PAGR1: variants seen among roughly 807,000 people sequenced by gnomAD.
PAGR1 encodes the protein PAXIP1-associated glutamate-rich protein 1.
A neutral mutation model predicts 22.4 loss-of-function variants in PAGR1; 20 were observed. The observed-to-expected ratio is 0.89, with a 90% CI of 0.63 to 1.30. PAGR1 has a LOEUF of 1.30. Among genes scored for constraint, PAGR1 ranks in the 50% most tolerant of loss-of-function variants. The pLI is 0.00. For missense variants in PAGR1, 338 were observed against 343.6 expected (o/e 0.98, Z 0.13); for synonymous variants, 161 against 148.3 (o/e 1.09, Z -0.62).
In PAGR1 at chr16:29,816,910, G is replaced by T. The variant is rs764118426; in HGVS notation, c.385G>T (p.Ala129Ser). ...TGCCCACGGTACTCTGGAGCTGCAA[G>T]CCGAGATCCTGCCCCGCCGGCCTCC... The part of the protein sequence containing the change: ...LAAHGTLELQ[A>S]EILPRRPPTP... Residue 129 changes from alanine (A) to serine (S), a missense_variant, in exon 1 of 3, where the codon GCC becomes TCC. Physicochemically the swap from Ala to Ser is moderately conservative, Grantham distance 99. Transcript: ENST00000320330. 12 of 1,563,108 alleles carry T rather than the reference G, an allele frequency of 7.7e-6. No homozygotes were observed. Among genetic ancestry groups the T allele is most frequent in the Non-Finnish European group, 1.0e-5 (12 of 1,156,552 alleles).
At chr16:29,817,413 G>A (rs1365894053) in intron 2 of PAGR1, 121 bp downstream of exon 2, 3 of 802,736 alleles carry the variant, frequency 3.7e-6, no homozygotes, top group South Asian at 1.5e-5. Flanking sequence ...AGCTGCAGGA[G>A]AGAGTATTCA....
rs1178904131 is a variant in PAGR1, at chr16:29,816,927, C to T, written c.402C>T (p.Arg134=). The change falls in exon 1 of 3, where the codon CGC becomes CGT. Residue 134 remains arginine (R), a synonymous_variant. Transcript: ENST00000320330. ...TLELQAEILP[R]RPPTPEAQSE... The stretch of plus-strand genomic sequence containing the variant: ...AGCTGCAAGCCGAGATCCTGCCCCG[C>T]CGGCCTCCCACGCCGGAGGCCCAGA... 6.4e-7 allele frequency: 1 copy of T among 1,573,862 alleles called. No homozygotes were observed. Among genetic ancestry groups the T allele is most frequent in the East Asian group, 2.3e-5 (1 of 43,292 alleles).
chr16:29,819,334 G>A, intron 2 of PAGR1: 1 of 578,676 alleles, frequency 1.7e-6, no homozygotes. Context: ...CCCCTGCCCA[G>A]TATGTTCCTC....
rs893220947 is a variant in PAGR1, at chr16:29,819,919, G to T, written c.*165G>T. On this transcript the variant is annotated 3_prime_UTR_variant, in exon 3 of 3. Coordinates refer to ENST00000320330, the MANE Select transcript of PAGR1 (RefSeq NM_024516.4). ...AGAGAGAGTGTGAGTGTGTGTGTGT[G>T]TTTTTTCTATTGAACACCTGTAGAG... The T allele has an allele frequency of 5.8e-5, 43 of 735,648 alleles. No homozygotes were observed. Among genetic ancestry groups the T allele is most frequent in the African/African-American group, 2.0e-4 (11 of 56,256 alleles). 45.6% of individuals were successfully genotyped at this position (735,648 alleles called of 1,614,324 possible).
At position 29,822,273 on chromosome 16, in the gene PAGR1, G is replaced by C. The variant is rs1468986834; in HGVS notation, c.*2519G>C. On this transcript the variant is annotated 3_prime_UTR_variant, in exon 3 of 3. Coordinates refer to ENST00000320330, the MANE Select transcript of PAGR1 (RefSeq NM_024516.4). ...GGAGGGAGGACAAGTGGAAGTCTAG[G>C]CTGGCTGAGCTGTTCTGTCTCGAAA... Among the ~76,000 whole-genome samples the C allele has an allele frequency of 6.6e-6, 1 of 151,592 alleles. No homozygotes were observed. Among genetic ancestry groups the C allele is most frequent in the African/African-American group, 2.4e-5 (1 of 41,228 alleles).
At position 29,816,478 on chromosome 16, in the gene PAGR1, C is replaced by T. The variant is rs1466589201; in HGVS notation, c.-48C>T. On this transcript the variant is annotated 5_prime_UTR_variant, in exon 1 of 3. Transcript: ENST00000320330. ...GAGCCCGATCCCTGGGGGACCCTGGCTTCGGACTCCAGTATCTGTCGTCGC... is the reference window on the plus strand; with the variant it reads ...GAGCCCGATCCCTGGGGGACCCTGGTTTCGGACTCCAGTATCTGTCGTCGC... 4 of 1,421,686 alleles carry T rather than the reference C, an allele frequency of 2.8e-6. No individual in the cohort carries two copies. The African/African-American group carries it at 4.3e-5, about 15-fold the overall frequency. 88.1% of individuals were successfully genotyped at this position (1,421,686 alleles called of 1,614,324 possible).
At chr16:29,819,351 C>T (rs1900314059) in intron 2 of PAGR1, 2 of 610,486 alleles carry the variant, frequency 3.3e-6, no homozygotes, top group East Asian at 5.4e-5. Flanking sequence ...CCTCCCTGTT[C>T]TTCACATTAC....
chr16:29,821,313 C>T lies in PAGR1; in HGVS notation c.*1559C>T, dbSNP rs1173343272. ...ATCAGGTGGCTCTGCCAGAAACTCC[C>T]TTGGCACACAGAGCACTGGGTCGGC... On this transcript the variant is annotated 3_prime_UTR_variant, in exon 3 of 3. Transcript: ENST00000320330. 1 of 152,408 alleles carries T rather than the reference C, an allele frequency of 6.6e-6. No individual in the cohort carries two copies. The highest frequency in any genetic ancestry group is 1.5e-5 in the Non-Finnish European group (1 of 68,204). The allele number at this position is 152,408 out of a possible 1,614,324, so 9.4% of individuals were successfully genotyped here.
rs755589421 is a variant in PAGR1, at chr16:29,817,316, G to C, written c.565+24G>C. The C allele has an allele frequency of 2.5e-6, 4 of 1,612,112 alleles. No homozygotes were observed. In the Admixed American group the frequency reaches 5.0e-5, roughly 20 times the overall value. Reference sequence around the variant, plus strand: ...AGGTACAAACGAAGAGGAAACAGTTGGGGGAGGTGAAGGGCCTCGGCTCAG... The same window carrying C: ...AGGTACAAACGAAGAGGAAACAGTTCGGGGAGGTGAAGGGCCTCGGCTCAG... On this transcript the variant is annotated intron_variant, in intron 2 of 2. Transcript: ENST00000320330.
At chr16:29,817,165 G>A (rs972923820) in intron 1 of PAGR1, 45 bp from the exon 2 acceptor site, 1 of 1,612,832 alleles carries the variant, frequency 6.2e-7, no homozygotes. Flanking sequence ...CGTGTGGGTG[G>A]GAGGGAGGAC....
Position 29,816,379 on chromosome 16 carries a change from C to CG in PAGR1, c.-143dup, listed in dbSNP as rs1180318625. On this transcript the variant is annotated 5_prime_UTR_variant, in exon 1 of 3. Transcript: ENST00000320330. ...TTGGTGGGGACTGAGCGCCCCCTCC[C>CG]GGGGACGGGCGGTCTGGCCGCGGAG... The CG allele has an allele frequency of 1.2e-6, 1 of 820,424 alleles. No individual in the cohort carries two copies. The highest frequency in any genetic ancestry group is 1.7e-6 in the Non-Finnish European group (1 of 590,846). The allele number at this position is 820,424 out of a possible 1,614,324, so 50.8% of individuals were successfully genotyped here.
In PAGR1 at chr16:29,821,921, T is replaced by C. The variant is rs1380800572; in HGVS notation, c.*2167T>C. ...TGAGGCCTGCAAAAAGCAGCAGGAG[T>C]GGGGTTAAGAATTCCAGCCTAGGGC... On this transcript the variant is annotated 3_prime_UTR_variant, in exon 3 of 3. Coordinates refer to ENST00000320330, the MANE Select transcript of PAGR1 (RefSeq NM_024516.4). Among the ~76,000 whole-genome samples the C allele has an allele frequency of 6.6e-6, 1 of 150,514 alleles. No individual in the cohort carries two copies. Among genetic ancestry groups the C allele is most frequent in the Non-Finnish European group, 1.5e-5 (1 of 67,642 alleles).
chr16:29,819,885 G>A lies in PAGR1; in HGVS notation c.*131G>A. The A allele has an allele frequency of 1.0e-6, 1 of 994,340 alleles. No homozygotes were observed. The highest frequency in any genetic ancestry group is 1.4e-6 in the Non-Finnish European group (1 of 694,476). 61.6% of individuals were successfully genotyped at this position (994,340 alleles called of 1,614,324 possible). On this transcript the variant is annotated 3_prime_UTR_variant, in exon 3 of 3. Coordinates refer to ENST00000320330, the MANE Select transcript of PAGR1 (RefSeq NM_024516.4). The stretch of plus-strand genomic sequence containing the variant: ...CAAGCTCCCAAACAGCACGTTGCGG[G>A]AAAGAGGAAGAGAGAGTGTGAGTGT...
rs1349494893 is a variant in PAGR1 at position 29,822,125 on chromosome 16, A to G, written c.*2371A>G. Among the ~76,000 whole-genome samples the G allele has an allele frequency of 4.0e-5, 6 of 148,210 alleles. No homozygotes were observed. Among genetic ancestry groups the G allele is most frequent in the Non-Finnish European group, 5.9e-5 (4 of 67,288 alleles). ...TTTTAAAGAATTATAGCTCAGTCCT[A>G]TGATTAGGCAAGTTGAGAAAATATT... is the stretch of plus-strand genomic sequence containing the variant. On this transcript the variant is annotated 3_prime_UTR_variant, in exon 3 of 3. Transcript: ENST00000320330.
chr16:29,816,273 C>A lies in PAGR1; in HGVS notation c.-253C>A, dbSNP rs1370859178. ...GAAGAGTGGCCCGTCCCTCTCCTCCCCCTTTCCCTCTTTCGGAAAGTGGTT... is the reference window on the plus strand; with the variant it reads ...GAAGAGTGGCCCGTCCCTCTCCTCCACCTTTCCCTCTTTCGGAAAGTGGTT... On this transcript the variant is annotated 5_prime_UTR_variant, in exon 1 of 3. Transcript: ENST00000320330. The A allele has an allele frequency of 1.2e-5, 5 of 414,908 alleles. No individual in the cohort carries two copies. Among genetic ancestry groups the A allele is most frequent in the Non-Finnish European group, 1.7e-5 (4 of 235,232 alleles). 25.7% of individuals were successfully genotyped at this position (414,908 alleles called of 1,614,324 possible).
At chr16:29,819,287 A>T in intron 2 of PAGR1, 1 of 472,498 alleles carries the variant, frequency 2.1e-6, no homozygotes, top group East Asian at 3.7e-5. Context: ...TTTGAACAGA[A>T]CTCTGTTCTT....
In PAGR1 at chr16:29,816,817, C is replaced by T. The variant is rs778813478; in HGVS notation, c.292C>T (p.Leu98=). 1.3e-6 allele frequency: 2 copies of T among 1,565,890 alleles called. No individual in the cohort carries two copies. The highest frequency in any genetic ancestry group is 2.3e-5 in the South Asian group (2 of 86,188). The change falls in exon 1 of 3, where the codon CTG becomes TTG. Residue 98 remains leucine, a synonymous_variant. Coordinates refer to ENST00000320330, the MANE Select transcript of PAGR1 (RefSeq NM_024516.4). Reference sequence around the variant, plus strand: ...GCCCTGCAGCGACGAGGAGGTGGAGCTGCCTGCGGATGGGCAGCCCTGGAT... The same window carrying T: ...GCCCTGCAGCGACGAGGAGGTGGAGTTGCCTGCGGATGGGCAGCCCTGGAT... ...CVPCSDEEVE[L]PADGQPWMPP...
At chr16:29,818,846 G>A (rs1900300257) in intron 2 of PAGR1, among the ~76,000 whole-genome samples, 1 of 152,198 alleles carries the variant, frequency 6.6e-6, no homozygotes, top group African/African-American at 2.4e-5. Flanking sequence ...GGAATTACAG[G>A]CGTGAGCTGC....
At chr16:29,819,348 G>A in intron 2 of PAGR1, 2 of 605,120 alleles carry the variant, frequency 3.3e-6, no homozygotes, top group Non-Finnish European at 5.9e-6. Flanking sequence ...GTTCCTCCCT[G>A]TTCTTCACAT....
Sources: allele counts gnomAD v4.1 joint callset (sites outside exome capture counted in the v4.1 genomes callset), GRCh38; gene constraint gnomAD v4.1.1; transcripts MANE v1.5; gene names NCBI Gene and HGNC (gene_info 2026-07-23, HGNC 2026-07-21).